NUGGC: variants seen among roughly 807,000 people sequenced by gnomAD.
NUGGC encodes the protein nuclear GTPase, germinal center associated, also known as nuclear GTPase SLIP-GC.
Under a neutral mutation model 92.6 loss-of-function variants are expected in NUGGC, and 58 were observed. That is an observed-to-expected ratio of 0.63 (90% CI 0.51 to 0.78). The LOEUF (loss-of-function observed/expected upper bound fraction) is 0.78. Ranked by LOEUF, NUGGC falls within the 30% of genes least tolerant of loss-of-function variation. The pLI is 0.00. For synonymous variants in NUGGC, 376 were observed against 366.4 expected, an observed-to-expected ratio of 1.03 and a Z score of -0.30; for missense variants, 925 against 964.6, an observed-to-expected ratio of 0.96 and a Z score of 0.54.
chr8:28,031,446 G>A lies in NUGGC; in HGVS notation c.1770-65C>T, dbSNP rs1165961274. 5.5e-6 allele frequency: 8 copies of A among 1,459,094 alleles called. No homozygotes were observed. The East Asian group carries it at 6.8e-5, about 12-fold the overall frequency. The allele number at this position is 1,459,094 out of a possible 1,614,324, so 90.4% of individuals were successfully genotyped here. ...GCTGCTGTGAGGCTGAAACAAACAC[G>A]AAACTAGCTGGTGTCCTTTTATTCA... On this transcript the variant is annotated intron_variant, in intron 14 of 18. Coordinates refer to ENST00000413272, the MANE Select transcript of NUGGC (RefSeq NM_001010906.2).
At chr8:28,033,445 T>C in intron 14 of NUGGC, 95 bp downstream of exon 14, 1 of 1,219,586 alleles carries the variant, frequency 8.2e-7, no homozygotes. Context: ...CAAGCTACTC[T>C]TTACACTTAC....
At position 28,080,029 on chromosome 8, in the gene NUGGC, C is replaced by T. The variant is rs188473511; in HGVS notation, c.-47+3746G>A. On this transcript the variant is annotated intron_variant, in intron 1 of 18. Coordinates refer to ENST00000413272, the MANE Select transcript of NUGGC (RefSeq NM_001010906.2). ...TGATCTCAGCTCACTGCAACCTCCG[C>T]CTCCCAGGTTCAAGCGATTCTCCTG... Among the ~76,000 whole-genome samples the T allele has an allele frequency of 8.8e-3, 1,333 of 152,264 alleles. 11 individuals carry two copies. The highest frequency in any genetic ancestry group is 0.02 in the Middle Eastern group (6 of 294).
chr8:28,076,941 G>A (rs1810737512), intron 1 of NUGGC, among the ~76,000 whole-genome samples: 1 of 152,216 alleles, frequency 6.6e-6, no homozygotes, highest in Non-Finnish European at 1.5e-5. Context: ...AAAATGGAAT[G>A]AGCTCCCTTA....
rs1312813229 is a variant in NUGGC at position 28,041,074 on chromosome 8, A to G, written c.1588T>C (p.Cys530Arg). Residue 530 changes from cysteine to arginine, a missense_variant, in exon 13 of 19, where the codon TGC (cysteine) becomes CGC (arginine). Physicochemically the swap from Cys to Arg is radical, Grantham distance 180. Coordinates refer to ENST00000413272, the MANE Select transcript of NUGGC (RefSeq NM_001010906.2). ...GVRTARTSYR[C>R]ILRACLVRSK... is the part of the protein sequence containing the mutation. The stretch of plus-strand genomic sequence containing the variant: ...ACCACCAAGCATGCTCTGAGGATGC[A>G]GCGGTAAGAAGTCCTGGCGGTCCTG... The G allele has an allele frequency of 6.2e-7, 1 of 1,605,916 alleles. No homozygotes were observed. The highest frequency in any genetic ancestry group is 1.1e-5 in the South Asian group (1 of 89,028).
At chr8:28,031,710 G>GTGAGTGT (rs1206106066) in intron 14 of NUGGC, among the ~76,000 whole-genome samples, 3 of 152,362 alleles carry the variant, frequency 2.0e-5, no homozygotes, top group African/African-American at 2.4e-5. Flanking sequence ...TCTTTCCACT[G>GTGAGTGT]CCAATGTGTG....
At chr8:28,065,227 C>T (rs1810411084) in intron 6 of NUGGC, among the ~76,000 whole-genome samples, 1 of 125,258 alleles carries the variant, frequency 8.0e-6, no homozygotes, top group Non-Finnish European at 1.6e-5. Flanking sequence ...GTGGTGCGAT[C>T]TCGGCTCACT....
chr8:28,050,619 T>A (rs548030092), intron 10 of NUGGC, among the ~76,000 whole-genome samples: 1 of 152,126 alleles, frequency 6.6e-6, no homozygotes, highest in East Asian at 2.0e-4. Flanking sequence ...GAGACCAGCC[T>A]GGCCAATATG....
intron 12 of NUGGC, among the ~76,000 whole-genome samples, chr8:28,044,893 C>T (rs747242328): frequency 6.6e-6 from 1 of 152,156 alleles, no homozygotes; most frequent in Non-Finnish European, 1.5e-5. Flanking sequence ...CTCCAAAACC[C>T]CCCAAGTCTC....
chr8:28,024,284 A>G (rs1809198634), intron 18 of NUGGC, among the ~76,000 whole-genome samples: 1 of 141,994 alleles, frequency 7.0e-6, no homozygotes, highest in African/African-American at 2.7e-5. Context: ...ACCTCAGTTG[A>G]TACACCCGCC....
chr8:28,046,403 C>T (rs916222761), intron 11 of NUGGC, among the ~76,000 whole-genome samples: 6 of 152,190 alleles, frequency 3.9e-5, no homozygotes, highest in African/African-American at 7.2e-5. Flanking sequence ...CCTGACCCTG[C>T]CTGCCCACCC....
chr8:28,051,790 C>T (rs769860054), intron 10 of NUGGC, among the ~76,000 whole-genome samples: 1 of 152,114 alleles, frequency 6.6e-6, no homozygotes, highest in African/African-American at 2.4e-5. Flanking sequence ...GGCCTGGTGG[C>T]CCATGCCTGT....
intron 13 of NUGGC, among the ~76,000 whole-genome samples, chr8:28,039,234 A>ATT (rs201712679): frequency 7.7e-5 from 11 of 142,414 alleles, no homozygotes; most frequent in Admixed American, 4.9e-4. Context: ...ACTTATCTAG[A>ATT]TTTTTTTTTT....
At position 28,041,204 on chromosome 8, in the gene NUGGC, C is replaced by T. The variant is rs115284526; in HGVS notation, c.1458G>A (p.Leu486=). The T allele has an allele frequency of 1.3e-3, 2,140 of 1,610,358 alleles. 22 individuals are homozygous for T. In the African/African-American group the frequency reaches 0.017, roughly 13 times the overall value. Residue 486 remains leucine (L), a synonymous_variant, in exon 13 of 19, where the codon TTG becomes TTA. Transcript: ENST00000413272. ...CAAATCTCCGCAGGACACTCATGTGCAAGTGTTCATTCTAGGGACAAGGAC... is the reference window on the plus strand; with the variant it reads ...CAAATCTCCGCAGGACACTCATGTGTAAGTGTTCATTCTAGGGACAAGGAC... ...NSTQNLPNEH[L]HMSVLRRFAE... is the part of the protein sequence containing the mutation.
At chr8:28,048,804 A>C (rs1411573453) in intron 10 of NUGGC, among the ~76,000 whole-genome samples, 1 of 151,112 alleles carries the variant, frequency 6.6e-6, no homozygotes. Flanking sequence ...TAGAGGTTGC[A>C]ATGAGCCAAG....
At chr8:28,044,322 A>G (rs553603738) in intron 12 of NUGGC, among the ~76,000 whole-genome samples, 2 of 152,268 alleles carry the variant, frequency 1.3e-5, no homozygotes, top group South Asian at 4.1e-4. Flanking sequence ...AACCAACCAA[A>G]TGAGGACAAG....
At position 28,033,389 on chromosome 8, in the gene NUGGC, A is replaced by G. The variant is rs945521499; in HGVS notation, c.1769+151T>C. 5.6e-6 allele frequency: 4 copies of G among 708,682 alleles called. No homozygotes were observed. The Admixed American group carries it at 1.3e-4, about 23-fold the overall frequency. The allele number at this position is 708,682 out of a possible 1,614,324, so 43.9% of individuals were successfully genotyped here. On this transcript the variant is annotated intron_variant, in intron 14 of 18. Coordinates refer to ENST00000413272, the MANE Select transcript of NUGGC (RefSeq NM_001010906.2). ...AAATTTTTAAGTAAACCAAACCAAG[A>G]AGGCTTTTGTGTTTTGCCAAGGACT... is the stretch of plus-strand genomic sequence containing the variant.
chr8:28,069,490 C>T lies in NUGGC; in HGVS notation c.257+54G>A, dbSNP rs550424404. 55 of 861,980 alleles carry T rather than the reference C, an allele frequency of 6.4e-5. 1 individual carries two copies. The South Asian group carries it at 6.7e-4, about 10-fold the overall frequency. The allele number at this position is 861,980 out of a possible 1,614,324, so 53.4% of individuals were successfully genotyped here. On this transcript the variant is annotated intron_variant, in intron 4 of 18. Coordinates refer to ENST00000413272, the MANE Select transcript of NUGGC (RefSeq NM_001010906.2). ...CTTGTTGGGGGAAAGCACCTATAAT[C>T]GCCTAAGGAAAGACACTGACATAAA...
At chr8:28,034,771 C>G (rs888958720) in intron 13 of NUGGC, among the ~76,000 whole-genome samples, 2 of 151,992 alleles carry the variant, frequency 1.3e-5, no homozygotes, top group Admixed American at 6.6e-5. Flanking sequence ...GAGCCGAGAT[C>G]GCAGCACTGC....
intron 5 of NUGGC, among the ~76,000 whole-genome samples, 153 bp downstream of exon 5, chr8:28,068,063 G>A (rs984989523): frequency 1.3e-5 from 2 of 149,566 alleles, no homozygotes; most frequent in African/African-American, 4.9e-5. Context: ...AGAAAGAAAA[G>A]GAAGAAAAAA....
Sources: gnomAD v4.1 joint callset for allele counts (sites outside exome capture counted in the v4.1 genomes callset) on GRCh38, gnomAD v4.1.1 for gene constraint, MANE v1.5 for transcripts, NCBI Gene and HGNC (gene_info 2026-07-23, HGNC 2026-07-21) for gene names.